The following CNTNAP5 variants were observed in gnomAD, a reference collection of about 807,000 sequenced individuals.
CNTNAP5 encodes contactin associated protein family member 5, also known as contactin-associated protein-like 5.
Under a neutral mutation model 150.2 loss-of-function variants are expected in CNTNAP5, and 72 were observed. That is an observed-to-expected ratio of 0.48 (90% CI 0.40 to 0.58). The LOEUF (loss-of-function observed/expected upper bound fraction) is 0.58, where lower values mean the gene tolerates loss of function less well. CNTNAP5 is among the 20% of genes least tolerant of loss of function. The pLI is 0.00. For synonymous variants in CNTNAP5, 672 were observed against 619.8 expected, an observed-to-expected ratio of 1.08 and a Z score of -1.25; for missense variants, 1,636 against 1,626.2, an observed-to-expected ratio of 1.01 and a Z score of -0.10.
Position 124,865,075 on chromosome 2 carries a change from C to CCA in CNTNAP5, c.3218-215_3218-214dup, listed in dbSNP as rs149351221. The stretch of plus-strand genomic sequence containing the variant: ...ACTGGCATTTTGGTTTGTGATAACA[C>CCA]CACACACACACACACACTCTCTCTC... On this transcript the variant is annotated intron_variant, in intron 19 of 23. Transcript: ENST00000682447. 9.1e-3 allele frequency among the ~76,000 whole-genome samples: 1,366 copies of CCA among 149,728 alleles called. 16 individuals are homozygous for CCA. Among genetic ancestry groups the CCA allele is most frequent in the African/African-American group, 0.03 (1,218 of 40,842 alleles).
intron 3 of CNTNAP5, among the ~76,000 whole-genome samples, chr2:124,308,224 T>C (rs968525765): frequency 2.0e-5 from 3 of 152,182 alleles, no homozygotes; most frequent in African/African-American, 7.2e-5. Flanking sequence ...TTATATTTTC[T>C]TTCCTGTAGA....
At chr2:124,601,805 T>C (rs531349513) in intron 11 of CNTNAP5, among the ~76,000 whole-genome samples, 1 of 152,338 alleles carries the variant, frequency 6.6e-6, no homozygotes, top group Non-Finnish European at 1.5e-5. Flanking sequence ...ATGTCCATGT[T>C]ATGAAATACT....
At chr2:124,381,861 C>A (rs949090089) in intron 3 of CNTNAP5, among the ~76,000 whole-genome samples, 56 of 151,988 alleles carry the variant, frequency 3.7e-4, no homozygotes, top group African/African-American at 1.2e-3. Context: ...CACGACAGAG[C>A]CCTGGAGCCT....
chr2:124,184,076 A>G (rs1008125438), intron 1 of CNTNAP5, among the ~76,000 whole-genome samples: 1 of 152,148 alleles, frequency 6.6e-6, no homozygotes, highest in Non-Finnish European at 1.5e-5. Flanking sequence ...AGTTGCTGGT[A>G]GAGTATTGGG....
At chr2:124,634,390 G>T (rs890681721) in intron 12 of CNTNAP5, among the ~76,000 whole-genome samples, 1 of 152,236 alleles carries the variant, frequency 6.6e-6, no homozygotes, top group South Asian at 2.1e-4. Context: ...AAGAGCAGGG[G>T]CACAATGCTA....
intron 7 of CNTNAP5, among the ~76,000 whole-genome samples, chr2:124,485,527 A>G (rs1488677484): frequency 6.8e-6 from 1 of 148,136 alleles, no homozygotes; most frequent in Non-Finnish European, 1.5e-5. Flanking sequence ...GCAGGAGAAT[A>G]GCATGAACCC....
intron 3 of CNTNAP5, among the ~76,000 whole-genome samples, chr2:124,410,422 A>G (rs932373998): frequency 5.3e-5 from 8 of 151,266 alleles, no homozygotes; most frequent in Non-Finnish European, 8.8e-5. Context: ...TCAACAGAAT[A>G]TACATTTTTT....
At chr2:124,710,698 C>T (rs546907092) in intron 13 of CNTNAP5, among the ~76,000 whole-genome samples, 14 of 152,172 alleles carry the variant, frequency 9.2e-5, no homozygotes, top group Non-Finnish European at 1.8e-4. Flanking sequence ...TAATTCACTG[C>T]AGACTGACTC....
intron 1 of CNTNAP5, among the ~76,000 whole-genome samples, chr2:124,031,160 T>A (rs1005372409): frequency 6.7e-6 from 1 of 148,928 alleles, no homozygotes; most frequent in Non-Finnish European, 1.5e-5. Flanking sequence ...CACACACACA[T>A]GCCCAGAAAT....
chr2:124,442,699 G>A (rs142932718), intron 5 of CNTNAP5, among the ~76,000 whole-genome samples: 2 of 152,088 alleles, frequency 1.3e-5, no homozygotes, highest in African/African-American at 4.8e-5. Context: ...ATACCTGAGT[G>A]GTGAATTTAA....
intron 13 of CNTNAP5, among the ~76,000 whole-genome samples, chr2:124,661,265 C>T (rs1678584569): frequency 6.6e-6 from 1 of 152,174 alleles, no homozygotes; most frequent in Non-Finnish European, 1.5e-5. Flanking sequence ...TGAAAACACA[C>T]ATTGCACATC....
intron 3 of CNTNAP5, among the ~76,000 whole-genome samples, chr2:124,376,716 C>T (rs1690658529): frequency 6.6e-6 from 1 of 152,026 alleles, no homozygotes; most frequent in Non-Finnish European, 1.5e-5. Context: ...CATGTCATTC[C>T]ATGCTAATAT....
In CNTNAP5 at chr2:124,920,190, G is replaced by A. The variant is rs147740435; in HGVS notation, c.*5902G>A. Among the ~76,000 whole-genome samples, 70 of 152,176 alleles carry A rather than the reference G, an allele frequency of 4.6e-4. 1 individual carries two copies. The East Asian group carries it at 0.012, about 25-fold the overall frequency. On this transcript the variant is annotated 3_prime_UTR_variant, in exon 24 of 24. Coordinates refer to ENST00000682447, the MANE Select transcript of CNTNAP5 (RefSeq NM_001367498.1). ...GAAGATAATTGTGTTAGTGATTAACGCCTGGTCTTATTTTAACGAGTGTCA... is the reference window on the plus strand; with the variant it reads ...GAAGATAATTGTGTTAGTGATTAACACCTGGTCTTATTTTAACGAGTGTCA...
At chr2:124,829,921 A>G (rs1206664307) in intron 19 of CNTNAP5, among the ~76,000 whole-genome samples, 1 of 151,806 alleles carries the variant, frequency 6.6e-6, no homozygotes, top group Non-Finnish European at 1.5e-5. Context: ...AAACTTTTAT[A>G]AAGTTTATGT....
intron 19 of CNTNAP5, among the ~76,000 whole-genome samples, chr2:124,858,367 C>CA (rs1308634756): frequency 6.6e-6 from 1 of 152,190 alleles, no homozygotes; most frequent in Non-Finnish European, 1.5e-5. Flanking sequence ...TCTCAGGATA[C>CA]AAAATCAATG....
At chr2:124,225,665 C>T (rs1302203156) in intron 2 of CNTNAP5, among the ~76,000 whole-genome samples, 2 of 152,128 alleles carry the variant, frequency 1.3e-5, no homozygotes, top group Non-Finnish European at 2.9e-5. Flanking sequence ...CAGCAAAAGT[C>T]AAGCATACAA....
rs1250707977 is a variant in CNTNAP5 at position 124,233,259 on chromosome 2, T to A, written c.188-8941T>A. Among the ~76,000 whole-genome samples the A allele has an allele frequency of 2.0e-5, 3 of 152,080 alleles. 1 individual carries two copies. In the South Asian group the frequency reaches 6.2e-4, roughly 32 times the overall value. On this transcript the variant is annotated intron_variant, in intron 2 of 23. Coordinates refer to ENST00000682447, the MANE Select transcript of CNTNAP5 (RefSeq NM_001367498.1). ...TGAGACCATGACCTCCTGTGGCTTG[T>A]TTTTTAAGCTATCAGAGTGTGAGCC...
intron 11 of CNTNAP5, among the ~76,000 whole-genome samples, chr2:124,579,656 C>G (rs560551247): frequency 2.0e-5 from 3 of 152,286 alleles, no homozygotes; most frequent in South Asian, 4.1e-4. Context: ...TTGCATGCAG[C>G]CTTCTCTAGA....
intron 21 of CNTNAP5, among the ~76,000 whole-genome samples, chr2:124,892,141 A>G (rs1037060009): frequency 2.6e-5 from 4 of 152,158 alleles, no homozygotes; most frequent in Admixed American, 2.0e-4. Context: ...CTCAAATGAA[A>G]TAAACTCTGA....
Sources: gnomAD v4.1 joint callset for allele counts (sites outside exome capture counted in the v4.1 genomes callset) on GRCh38, gnomAD v4.1.1 for gene constraint, MANE v1.5 for transcripts, NCBI Gene and HGNC (gene_info 2026-07-23, HGNC 2026-07-21) for gene names.